Variants in CEP162 observed in about 807,000 individuals in gnomAD.
The protein encoded by CEP162 is centrosomal protein 162, also known as centrosomal protein of 162 kDa.
A neutral mutation model predicts 169.2 loss-of-function variants in CEP162; 141 were observed. The ratio of observed to expected loss-of-function variants is 0.83; its 90% confidence interval spans 0.73 to 0.96. The LOEUF is 0.96. CEP162 is among the 40% of genes least tolerant of loss of function. The probability of loss-of-function intolerance (pLI) is 0.00; values close to 1 mark genes in which losing one functional copy is unlikely to be tolerated. For synonymous variants in CEP162, 540 were observed against 526.4 expected, an observed-to-expected ratio of 1.03 and a Z score of -0.35; for missense variants, 1,600 against 1,587.2, an observed-to-expected ratio of 1.01 and a Z score of -0.14.
rs2099521659 is a variant in CEP162, at chr6:84,152,831, T to G, written c.3343A>C (p.Arg1115=). Residue 1115 remains arginine, a synonymous_variant, in exon 23 of 27, where the codon AGA becomes CGA. Coordinates refer to ENST00000403245, the MANE Select transcript of CEP162 (RefSeq NM_014895.4). ...TTCTGATTTGATAGCATCATTCTTC[T>G]GTCTTTCTGAAGCCTCTCCACAGTT... ...SKTVERLQKD[R]RMMLSNQNSK... is the part of the protein sequence containing the mutation. The G allele has an allele frequency of 1.9e-6, 3 of 1,613,586 alleles. No homozygotes were observed. The highest frequency in any genetic ancestry group is 1.7e-5 in the Admixed American group (1 of 59,878).
chr6:84,128,618 T>G (rs1479775865), intron 25 of CEP162, among the ~76,000 whole-genome samples: 5 of 152,166 alleles, frequency 3.3e-5, no homozygotes, highest in African/African-American at 1.2e-4. Flanking sequence ...TAGTAGTAAC[T>G]ACTCTTTTGG....
At chr6:84,140,228 C>T (rs1029444195) in intron 25 of CEP162, among the ~76,000 whole-genome samples, 1 of 152,108 alleles carries the variant, frequency 6.6e-6, no homozygotes, top group African/African-American at 2.4e-5. Flanking sequence ...TAAGAGACGG[C>T]AGTCCATTAG....
chr6:84,153,979 T>C (rs1588742374), intron 22 of CEP162, among the ~76,000 whole-genome samples: 1 of 152,216 alleles, frequency 6.6e-6, no homozygotes, highest in African/African-American at 2.4e-5. Flanking sequence ...AGATAGCACA[T>C]TTATGTTCGG....
rs189689887 is a variant in CEP162 at position 84,215,743 on chromosome 6, A to G, written c.319+33T>C. The G allele has an allele frequency of 6.1e-4, 943 of 1,549,868 alleles. 6 individuals are homozygous for G. In the African/African-American group the frequency reaches 0.011, roughly 19 times the overall value. Reference sequence around the variant, plus strand: ...TCTGAATATAAGCATAACAATTAATAATTTACCAACTCATATCCCTTGCAT... The same window carrying G: ...TCTGAATATAAGCATAACAATTAATGATTTACCAACTCATATCCCTTGCAT... On this transcript the variant is annotated intron_variant, in intron 4 of 26. Transcript: ENST00000403245.
chr6:84,159,510 T>A (rs1258807407), intron 21 of CEP162, among the ~76,000 whole-genome samples: 2 of 135,646 alleles, frequency 1.5e-5, no homozygotes, highest in Non-Finnish European at 3.1e-5. Context: ...AGTTCTTTTT[T>A]AAAATTAATT....
intron 24 of CEP162, among the ~76,000 whole-genome samples, chr6:84,147,761 G>A (rs746574391): frequency 5.3e-5 from 8 of 152,114 alleles, no homozygotes; most frequent in African/African-American, 1.4e-4. Flanking sequence ...AAGTATGATA[G>A]TTTTTATTTA....
At chr6:84,171,469 C>A in intron 17 of CEP162, 137 bp downstream of exon 17, 2 of 429,180 alleles carry the variant, frequency 4.7e-6, no homozygotes, top group Non-Finnish European at 4.1e-6. Flanking sequence ...GAGTATTAAA[C>A]ATAAAATTGG....
intron 11 of CEP162, among the ~76,000 whole-genome samples, chr6:84,189,120 C>T (rs534732834): frequency 6.6e-6 from 1 of 152,016 alleles, no homozygotes. Context: ...GGTGTGACCT[C>T]GGCTCACTGA....
intron 13 of CEP162, among the ~76,000 whole-genome samples, chr6:84,176,067 T>A (rs928649743): frequency 3.3e-5 from 5 of 152,134 alleles, no homozygotes; most frequent in Non-Finnish European, 7.4e-5. Flanking sequence ...CTAAAAAGGA[T>A]CCTAAGGTCC....
intron 16 of CEP162, among the ~76,000 whole-genome samples, chr6:84,173,452 T>C (rs886364797): frequency 1.4e-4 from 22 of 152,118 alleles, no homozygotes; most frequent in Admixed American, 2.0e-4. Context: ...GGATCCTATA[T>C]ATTATTATCC....
chr6:84,211,176 G>A (rs2099549253), intron 6 of CEP162, among the ~76,000 whole-genome samples: 1 of 151,558 alleles, frequency 6.6e-6, no homozygotes, highest in African/African-American at 2.4e-5. Flanking sequence ...GAAGAAAAAT[G>A]CTAAAGAATT....
At chr6:84,173,077 T>C (rs1184536725) in intron 16 of CEP162, among the ~76,000 whole-genome samples, 1 of 152,204 alleles carries the variant, frequency 6.6e-6, no homozygotes, top group African/African-American at 2.4e-5. Context: ...TTCAGATTCA[T>C]ATTTCTGAAT....
intron 6 of CEP162, among the ~76,000 whole-genome samples, chr6:84,211,976 G>A (rs908479288): frequency 2.7e-5 from 4 of 149,812 alleles, no homozygotes; most frequent in Admixed American, 6.6e-5. Context: ...AGGAATTACC[G>A]GAAACTTCTC....
chr6:84,154,412 A>C (rs1014268374), intron 22 of CEP162, among the ~76,000 whole-genome samples: 5 of 151,222 alleles, frequency 3.3e-5, no homozygotes, highest in South Asian at 4.1e-4. Context: ...ATCTATCTGT[A>C]AAACAGGGTG....
rs1411264365 is a variant in CEP162 at position 84,219,248 on chromosome 6, C to A, written c.172+1809G>T. 7.6e-6 allele frequency: 7 copies of A among 921,218 alleles called. No individual in the cohort carries two copies. In the East Asian group the frequency reaches 3.2e-4, roughly 42 times the overall value. The allele number at this position is 921,218 out of a possible 1,614,324, so 57.1% of individuals were successfully genotyped here. On this transcript the variant is annotated intron_variant, in intron 3 of 26. Coordinates refer to ENST00000403245, the MANE Select transcript of CEP162 (RefSeq NM_014895.4). Reference sequence around the variant, plus strand: ...TAGAACATAATACAAACTCAGTAACCGTTTGCTTGAATCAGGGACCAGGTT... The same window carrying A: ...TAGAACATAATACAAACTCAGTAACAGTTTGCTTGAATCAGGGACCAGGTT...
chr6:84,185,491 TTAAC>T, intron 12 of CEP162, 43 bp from the exon 13 acceptor site: 3 of 1,505,304 alleles, frequency 2.0e-6, no homozygotes, highest in Non-Finnish European at 1.8e-6. Context: ...TAAATAAACT[TTAAC>T]TATTGTTGTA....
intron 3 of CEP162, 68 bp from the exon 4 acceptor site, chr6:84,215,990 C>T (rs1384338913): frequency 6.3e-6 from 9 of 1,439,904 alleles, no homozygotes; most frequent in Non-Finnish European, 8.2e-6. Flanking sequence ...TATGACAACA[C>T]AATAATAATG....
chr6:84,190,997 T>G (rs1562064079), intron 11 of CEP162, among the ~76,000 whole-genome samples: 1 of 152,232 alleles, frequency 6.6e-6, no homozygotes, highest in Non-Finnish European at 1.5e-5. Context: ...TTAATGAGGT[T>G]GTTTTTTGCT....
chr6:84,201,066 C>G lies in CEP162; in HGVS notation c.719-161G>C, dbSNP rs111715270. 6.5e-3 allele frequency among the ~76,000 whole-genome samples: 993 copies of G among 152,290 alleles called. 7 individuals are homozygous for G. Among genetic ancestry groups the G allele is most frequent in the African/African-American group, 0.023 (944 of 41,562 alleles). ...GGCCAAGGCGGGCAGATCACGAGGT[C>G]AGGAGATCGAGACCATCCTGGCTAA... On this transcript the variant is annotated intron_variant, in intron 8 of 26. Transcript: ENST00000403245.
Sources: allele counts gnomAD v4.1 joint callset (sites outside exome capture counted in the v4.1 genomes callset), GRCh38; gene constraint gnomAD v4.1.1; transcripts MANE v1.5; gene names NCBI Gene and HGNC (gene_info 2026-07-23, HGNC 2026-07-21).